The following ZNF821 variants were observed in gnomAD, a reference collection of about 807,000 sequenced individuals.
ZNF821 encodes zinc finger protein 821.
In ZNF821, 16 loss-of-function variants were observed where a neutral mutation model predicts 44.3. The ratio of observed to expected loss-of-function variants is 0.36; its 90% CI spans 0.24 to 0.55. The LOEUF is 0.55. ZNF821 is among the 20% of genes least tolerant of loss of function. ZNF821 has a pLI of 0.86. For missense variants in ZNF821, 436 were observed against 547.6 expected (o/e 0.80, Z 2.03); for synonymous variants, 204 against 197.6 (o/e 1.03, Z -0.27).
At chr16:71,877,036 T>C (rs2035897820) in intron 3 of ZNF821, among the ~76,000 whole-genome samples, 1 of 152,178 alleles carries the variant, frequency 6.6e-6, no homozygotes. Context: ...CACACCCCCA[T>C]TCCAGAATAT....
At position 71,861,888 on chromosome 16, in the gene ZNF821, C is replaced by G; in HGVS notation, c.472G>C (p.Ala158Pro). 6.2e-7 allele frequency: 1 copy of G among 1,614,178 alleles called. No homozygotes were observed. ...CCCAATGACCCCGGGGAGCTAAGGG[C>G]CCGGCCACAGACAGGACACATGTAG... Reference protein sequence around the residue: ...KSYMCPVCGRALSSPGSLGRH... With the variant: ...KSYMCPVCGRPLSSPGSLGRH... The change falls in exon 7 of 8, where the codon GCC becomes CCC. Residue 158 changes from alanine to proline, a missense_variant. Physicochemically the swap from Ala to Pro is conservative, Grantham distance 27. Around this residue, in one of 5 missense-constraint regions of ZNF821, gnomAD observed 238 missense variants for 281.4 expected, o/e 0.85. Coordinates refer to ENST00000425432, the MANE Select transcript of ZNF821 (RefSeq NM_001201552.2).
intron 6 of ZNF821, among the ~76,000 whole-genome samples, chr16:71,862,490 C>G (rs1031957469): frequency 6.6e-6 from 1 of 152,002 alleles, no homozygotes; most frequent in Non-Finnish European, 1.5e-5. Flanking sequence ...CAAAACAAAA[C>G]AAAACAACAA....
At chr16:71,893,655 C>T (rs909926999) in intron 1 of ZNF821, among the ~76,000 whole-genome samples, 2 of 150,150 alleles carry the variant, frequency 1.3e-5, no homozygotes, top group African/African-American at 4.9e-5. Context: ...GAGACGGTTT[C>T]ACCATGTTGG....
intron 3 of ZNF821, among the ~76,000 whole-genome samples, chr16:71,869,531 T>G (rs556431022): frequency 1.0e-3 from 154 of 151,534 alleles, no homozygotes; most frequent in Non-Finnish European, 1.8e-3. Context: ...CTTAATTCTC[T>G]GCAAAACTCC....
At chr16:71,873,707 G>T (rs527322637) in intron 3 of ZNF821, among the ~76,000 whole-genome samples, 1 of 152,096 alleles carries the variant, frequency 6.6e-6, no homozygotes, top group Non-Finnish European at 1.5e-5. Flanking sequence ...AGGCTGGAGT[G>T]CAGTGGTGCA....
chr16:71,881,043 G>C (rs2036369295), intron 2 of ZNF821, among the ~76,000 whole-genome samples: 3 of 152,162 alleles, frequency 2.0e-5, no homozygotes, highest in Admixed American at 6.5e-5. Context: ...TAAAGACATA[G>C]AATAAAAAGG....
At chr16:71,892,567 C>CA (rs762518441) in intron 1 of ZNF821, among the ~76,000 whole-genome samples, 9 of 144,982 alleles carry the variant, frequency 6.2e-5, no homozygotes, top group African/African-American at 2.3e-4. Flanking sequence ...CGTGCCCGGC[C>CA]AAAATTTTTT....
At chr16:71,890,857 C>T (rs1211778774) in intron 1 of ZNF821, among the ~76,000 whole-genome samples, 2 of 145,078 alleles carry the variant, frequency 1.4e-5, no homozygotes, top group East Asian at 2.1e-4. Flanking sequence ...CTGCAAGCTC[C>T]GCCTCCCAGG....
Position 71,864,966 on chromosome 16 carries a change from T to C in ZNF821, c.249A>G (p.Lys83=). 3 of 1,614,186 alleles carry C rather than the reference T, an allele frequency of 1.9e-6. No homozygotes were observed. The change falls in exon 5 of 8, where the codon AAA becomes AAG. Residue 83 remains lysine, a synonymous_variant. Transcript: ENST00000425432. ...CTGTATTTTCTAACTCTTTCTCCACTTTGACCACCCCTCCATCTTCCTCTG... is the reference window on the plus strand; with the variant it reads ...CTGTATTTTCTAACTCTTTCTCCACCTTGACCACCCCTCCATCTTCCTCTG... ...HTSEEDGGVV[K]VEKELENTEQ...
chr16:71,894,785 C>T (rs560396870), intron 1 of ZNF821: 3 of 1,452,698 alleles, frequency 2.1e-6, no homozygotes, highest in African/African-American at 2.8e-5. Context: ...ATCCTCCCGC[C>T]CCGCCTCTCA....
At chr16:71,881,404 T>C (rs2036409387) in intron 2 of ZNF821, 1 of 152,176 alleles carries the variant, frequency 6.6e-6, no homozygotes, top group South Asian at 2.1e-4. Context: ...TTCTAGCATA[T>C]CTGCATATCA....
chr16:71,867,754 G>T, intron 4 of ZNF821, 158 bp downstream of exon 4: 1 of 752,664 alleles, frequency 1.3e-6, no homozygotes, highest in Non-Finnish European at 1.9e-6. Flanking sequence ...ATAAACACAT[G>T]CCCACACACC....
At chr16:71,879,855 C>T in intron 3 of ZNF821, 52 bp downstream of exon 3, 1 of 1,561,266 alleles carries the variant, frequency 6.4e-7, no homozygotes. Flanking sequence ...GTTACTCTTC[C>T]ATTCCACCCC....
intron 6 of ZNF821, among the ~76,000 whole-genome samples, chr16:71,862,699 A>T (rs1170541369): frequency 7.9e-6 from 1 of 127,334 alleles, no homozygotes; most frequent in African/African-American, 2.7e-5. Flanking sequence ...TTTTCAAGAT[A>T]GTCTTCTGAA....
At chr16:71,889,348 T>C (rs1020094300), upstream of ZNF821, among the ~76,000 whole-genome samples, 4 of 152,186 alleles carry the variant, frequency 2.6e-5, no homozygotes, top group Admixed American at 2.0e-4. Flanking sequence ...GGTCACTTCA[T>C]AGCTTTAAGC....
Position 71,860,803 on chromosome 16 carries a change from T to C in ZNF821, c.585-131A>G, listed in dbSNP as rs1363690639. On this transcript the variant is annotated intron_variant, in intron 7 of 7. Transcript: ENST00000425432. This position sits in a 1 kb window ranked among gnomAD's most constrained non-coding sequence, Gnocchi z 7.3. ...ACAAGGGGTCAGTTTGAATGCTTGGTGGACCTCTTCTGCTGCTCCATCCCT... is the reference window on the plus strand; with the variant it reads ...ACAAGGGGTCAGTTTGAATGCTTGGCGGACCTCTTCTGCTGCTCCATCCCT... 3 of 847,786 alleles carry C rather than the reference T, an allele frequency of 3.5e-6. No homozygotes were observed. The highest frequency in any genetic ancestry group is 3.4e-5 in the African/African-American group (2 of 58,224). The allele number at this position is 847,786 out of a possible 1,614,324, so 52.5% of individuals were successfully genotyped here.
chr16:71,890,299 T>C (rs1597221469), intron 1 of ZNF821, among the ~76,000 whole-genome samples: 1 of 152,158 alleles, frequency 6.6e-6, no homozygotes, highest in Non-Finnish European at 1.5e-5. Context: ...TAAATGTTAA[T>C]AGTTAAAACA....
intron 3 of ZNF821, among the ~76,000 whole-genome samples, chr16:71,875,226 A>G (rs2035662953): frequency 6.6e-6 from 1 of 152,116 alleles, no homozygotes; most frequent in Admixed American, 6.6e-5. Context: ...CATTTATGCA[A>G]CTGTGGATGT....
At chr16:71,887,416 C>A (rs182022195), upstream of ZNF821, among the ~76,000 whole-genome samples, 2 of 152,074 alleles carry the variant, frequency 1.3e-5, no homozygotes, top group Non-Finnish European at 2.9e-5. Context: ...CCCGCCACCA[C>A]GCCCGGCTAA....
Sources: allele counts gnomAD v4.1 joint callset (sites outside exome capture counted in the v4.1 genomes callset), GRCh38; gene constraint gnomAD v4.1.1; regional missense constraint gnomAD v4.1.1; non-coding constraint Gnocchi (gnomAD v3.1); transcripts MANE v1.5; gene names NCBI Gene and HGNC (gene_info 2026-07-23, HGNC 2026-07-21).